PNKP: variants seen among roughly 807,000 people sequenced by gnomAD.
PNKP encodes polynucleotide kinase 3'-phosphatase, also known as bifunctional polynucleotide phosphatase/kinase.
Under a neutral mutation model 66.2 loss-of-function variants are expected in PNKP, and 82 were observed. The ratio of observed to expected loss-of-function variants is 1.24; its 90% confidence interval spans 1.04 to 1.49. PNKP has a LOEUF of 1.49. PNKP is among the 40% of genes most tolerant of loss of function. The probability of loss-of-function intolerance (pLI) is 0.00; values close to 1 mark genes in which losing one functional copy is unlikely to be tolerated. For synonymous variants in PNKP, 412 were observed against 298.9 expected, an observed-to-expected ratio of 1.38 and a Z score of -3.90; for missense variants, 907 against 706.8, an observed-to-expected ratio of 1.28 and a Z score of -3.21.
At chr19:49,865,613 TTTTTTTTTTTTTC>T (rs1161659745) in intron 3 of PNKP, 187 bp from the exon 4 acceptor site, 100 of 514,370 alleles carry the variant, frequency 1.9e-4, no homozygotes, top group Admixed American at 8.4e-4. Context: ...TTTTTTTTTT[TTTTTTTTTTTTTC>T]CCCTGGAGAT....
In PNKP at chr19:49,862,581, G is replaced by A. The variant is rs145615734; in HGVS notation, c.893C>T (p.Ala298Val). The A allele has an allele frequency of 6.0e-5, 96 of 1,613,288 alleles. No individual in the cohort carries two copies. In the African/African-American group the frequency reaches 1.2e-3, roughly 20 times the overall value. The change falls in exon 10 of 17, where the codon GCC becomes GTC. Residue 298 changes from alanine to valine, a missense_variant. By Grantham distance (64) the Ala-to-Val change is moderately conservative. Transcript: ENST00000322344. The part of the protein sequence containing the change: ...GDAAGRPANW[A>V]PGRKKKDFSC... The stretch of plus-strand genomic sequence containing the variant: ...GAAGTCTTTCTTCTTCCGCCCCGGG[G>A]CCCAGTTGGCCGGGCGTCCGGCTGC...
At position 49,867,491 on chromosome 19, in the gene PNKP, C is replaced by G. The variant is rs2074830943; in HGVS notation, c.-36G>C. The G allele has an allele frequency of 6.2e-6, 3 of 483,432 alleles. No individual in the cohort carries two copies. In the South Asian group the frequency reaches 7.1e-5, roughly 11 times the overall value. The allele number at this position is 483,432 out of a possible 1,614,324, so 29.9% of individuals were successfully genotyped here. A position where few individuals can be genotyped will look rare whatever the true frequency, so the allele number is the denominator to read the frequency against. ...CACCCGGGACCGCGGCTTGGGCTCACGGCCACTTCCGACCAGGGAGGTCCT... is the reference window on the plus strand; with the variant it reads ...CACCCGGGACCGCGGCTTGGGCTCAGGGCCACTTCCGACCAGGGAGGTCCT... On this transcript the variant is annotated 5_prime_UTR_variant, in exon 1 of 17. Coordinates refer to ENST00000322344, the MANE Select transcript of PNKP (RefSeq NM_007254.4).
rs1464870318 is a variant in PNKP, at chr19:49,867,069, A to C, written c.136T>G (p.Cys46Gly). Reference protein sequence around the residue: ...GPLTQVTDRKCSRTQVELVAD... With the variant: ...GPLTQVTDRKGSRTQVELVAD... ...CCCCGCTCACCTTGAGTTCTGGAGC[A>C]CTTCCGGTCCGTAACCTGGGTCAGG... Residue 46 changes from cysteine (C) to glycine (G), a missense_variant, in exon 2 of 17, where the codon TGC becomes GGC. Coordinates refer to ENST00000322344, the MANE Select transcript of PNKP (RefSeq NM_007254.4). 2 of 1,613,716 alleles carry C rather than the reference A, an allele frequency of 1.2e-6. No homozygotes were observed. The highest frequency in any genetic ancestry group is 1.7e-6 in the Non-Finnish European group (2 of 1,179,954).
At position 49,865,281 on chromosome 19, in the gene PNKP, T is replaced by C. The variant is rs200055661; in HGVS notation, c.344A>G (p.Gln115Arg). The change falls in exon 4 of 17, where the codon CAG (glutamine) becomes CGG (arginine). Residue 115 changes from glutamine to arginine, a missense_variant. Transcript: ENST00000322344. Reference protein sequence around the residue: ...RWEETRTPESQPDTPPGTPLV... With the variant: ...RWEETRTPESRPDTPPGTPLV... ...AGGGGTGCCAGGCGGAGTATCTGGCTGGGATTCTGGTGTGCGGGTCTCTTC... is the reference window on the plus strand; with the variant it reads ...AGGGGTGCCAGGCGGAGTATCTGGCCGGGATTCTGGTGTGCGGGTCTCTTC... The C allele has an allele frequency of 1.6e-5, 26 of 1,614,108 alleles. No individual in the cohort carries two copies. Among genetic ancestry groups the C allele is most frequent in the African/African-American group, 2.7e-5 (2 of 74,944 alleles).
At position 49,864,401 on chromosome 19, in the gene PNKP, C is replaced by T. The variant is rs142143566; in HGVS notation, c.501G>A (p.Val167=). 1.4e-4 allele frequency: 230 copies of T among 1,612,414 alleles called. No individual in the cohort carries two copies. The African/African-American group carries it at 2.1e-3, about 15-fold the overall frequency. ...TAAGVKPQGK[V]AGFDLDGTLI... ...GCGTCCCGTCCAGATCAAAGCCAGCCACCTGGTGTCACCAAGGAAAGACAA... is the reference window on the plus strand; with the variant it reads ...GCGTCCCGTCCAGATCAAAGCCAGCTACCTGGTGTCACCAAGGAAAGACAA... Residue 167 remains valine, a splice_region_variant and synonymous_variant, in exon 5 of 17, where the codon GTG becomes GTA. Coordinates refer to ENST00000322344, the MANE Select transcript of PNKP (RefSeq NM_007254.4).
At position 49,862,106 on chromosome 19, in the gene PNKP, C is replaced by T. The variant is rs903931173; in HGVS notation, c.1127-1G>A. 2 of 1,614,148 alleles carry T rather than the reference C, an allele frequency of 1.2e-6. No individual in the cohort carries two copies. Among genetic ancestry groups the T allele is most frequent in the African/African-American group, 2.7e-5 (2 of 75,032 alleles). On this transcript the variant is annotated splice_acceptor_variant, in intron 12 of 16. Coordinates refer to ENST00000322344, the MANE Select transcript of PNKP (RefSeq NM_007254.4). LOFTEE classifies it high-confidence loss of function. The stretch of plus-strand genomic sequence containing the variant: ...TTCTTGAGAAAGGTGGACTTCCCGG[C>T]TGTGTGGGGGGCAGTGTCGGTGGGT...
rs150731099 is a variant in PNKP, at chr19:49,863,883, C to T, written c.744+81G>A. 3.7e-3 allele frequency: 5,142 copies of T among 1,382,160 alleles called. 48 individuals are homozygous for T. The highest frequency in any genetic ancestry group is 0.022 in the Middle Eastern group (127 of 5,662). 85.6% of individuals were successfully genotyped at this position (1,382,160 alleles called of 1,614,324 possible). On this transcript the variant is annotated intron_variant, in intron 7 of 16. Coordinates refer to ENST00000322344, the MANE Select transcript of PNKP (RefSeq NM_007254.4). Reference sequence around the variant, plus strand: ...AGCATCACACTGCCTGAGGCCTCCGCCCCGCTTACCCTGGAGTCTAAAGCC... The same window carrying T: ...AGCATCACACTGCCTGAGGCCTCCGTCCCGCTTACCCTGGAGTCTAAAGCC...
chr19:49,864,540 G>T, intron 4 of PNKP, 137 bp from the exon 5 acceptor site: 1 of 748,316 alleles, frequency 1.3e-6, no homozygotes, highest in Non-Finnish European at 2.4e-6. Flanking sequence ...GAGTCACAGA[G>T]CACCTCCATC....
intron 2 of PNKP, 57 bp downstream of exon 2, chr19:49,866,997 T>C: frequency 6.4e-7 from 1 of 1,567,622 alleles, no homozygotes; most frequent in Non-Finnish European, 8.8e-7. Context: ...AGCGTCCCTC[T>C]GGATTGTTCC....
rs2074766354 is a variant in PNKP at position 49,861,751 on chromosome 19, A to ACGGCCCCGCGGTCACGCTACCTGG, written c.1295_1298+20dup. ...CCGCCCACCCCGCCGCAGGCCACCT[A>ACGGCCCCGCGGTCACGCTACCTGG]CGGCCCCGCGGTCACGCTACCTGGC... On this transcript the variant is annotated intron_variant, in intron 14 of 16. Coordinates refer to ENST00000322344, the MANE Select transcript of PNKP (RefSeq NM_007254.4). 2.6e-6 allele frequency: 4 copies of ACGGCCCCGCGGTCACGCTACCTGG among 1,558,712 alleles called. No individual in the cohort carries two copies. The highest frequency in any genetic ancestry group is 3.5e-6 in the Non-Finnish European group (4 of 1,151,804).
At chr19:49,866,940 T>G (rs539190443) in intron 2 of PNKP, 114 bp downstream of exon 2, 13 of 1,008,872 alleles carry the variant, frequency 1.3e-5, no homozygotes, top group Admixed American at 3.4e-5. Context: ...GAGAGCACCT[T>G]CCGACTTCGG....
rs761518647 is a variant in PNKP, at chr19:49,861,480, GGAT to G, written c.1414_1416del (p.Ile472del). On this transcript the variant is annotated inframe_deletion, in exon 16 of 17. Transcript: ENST00000322344. Reference sequence around the variant, plus strand: ...CCATACATGACCATGTCTGACACGGGGATATGAGAGGAGTCCGTCATCTCTCGA... The same window carrying G: ...CCATACATGACCATGTCTGACACGGGATGAGAGGAGTCCGTCATCTCTCGA... 3.7e-6 allele frequency: 6 copies of G among 1,611,732 alleles called. No individual in the cohort carries two copies. In the Admixed American group the frequency reaches 1.0e-4, roughly 27 times the overall value.
Position 49,861,314 on chromosome 19 carries a change from C to G in PNKP, c.1500G>C (p.Glu500Asp), listed in dbSNP as rs1381051164. ...GCTCCACCCATAGCCGGAACGGGATCTCCAGGATGGCAGAGAAGCCTTCAG... is the reference window on the plus strand; with the variant it reads ...GCTCCACCCATAGCCGGAACGGGATGTCCAGGATGGCAGAGAAGCCTTCAG... ...TLAEGFSAIL[E>D]IPFRLWVEPR... The change falls in exon 17 of 17, where the codon GAG (glutamate) becomes GAC (aspartate). Residue 500 changes from glutamate (E) to aspartate (D), a missense_variant. Glu to Asp is a conservative substitution (Grantham distance 45). Transcript: ENST00000322344. The G allele has an allele frequency of 6.2e-7, 1 of 1,614,048 alleles. No homozygotes were observed. The highest frequency in any genetic ancestry group is 1.3e-5 in the African/African-American group (1 of 74,936).
rs780136062 is a variant in PNKP at position 49,865,421 on chromosome 19, T to G, written c.204A>C (p.Gly68=). ...GGGTCCCGGTAGTTGAGGGGTTAAC[T>G]CCCAGCTGCAGAAAGAGAGGGAGGA... The part of the protein sequence containing the change: ...ETRTVAVKQL[G]VNPSTTGTQE... The change falls in exon 4 of 17, where the codon GGA becomes GGC. Residue 68 remains glycine (G), a synonymous_variant. Coordinates refer to ENST00000322344, the MANE Select transcript of PNKP (RefSeq NM_007254.4). The G allele has an allele frequency of 1.2e-6, 2 of 1,603,224 alleles. No homozygotes were observed. Among genetic ancestry groups the G allele is most frequent in the Non-Finnish European group, 1.7e-6 (2 of 1,174,718 alleles).
chr19:49,867,031 C>G, intron 2 of PNKP, 23 bp downstream of exon 2: 1 of 1,612,218 alleles, frequency 6.2e-7, no homozygotes, highest in Non-Finnish European at 8.5e-7. Context: ...GGCCACACCC[C>G]CTCCAGCTCA....
intron 1 of PNKP, 101 bp from the exon 2 acceptor site, chr19:49,867,318 C>T (rs1235232791): frequency 4.8e-6 from 6 of 1,255,612 alleles, no homozygotes; most frequent in Non-Finnish European, 6.5e-6. Flanking sequence ...CCACCATTAA[C>T]TGCTCCGGAA....
At position 49,861,782 on chromosome 19, in the gene PNKP, T is replaced by G; in HGVS notation, c.1288A>C (p.Ser430Arg). 1.3e-6 allele frequency: 2 copies of G among 1,565,464 alleles called. No individual in the cohort carries two copies. The highest frequency in any genetic ancestry group is 1.7e-6 in the Non-Finnish European group (2 of 1,157,870). Residue 430 changes from serine (S) to arginine (R), a missense_variant, in exon 14 of 17, where the codon AGC (serine) becomes CGC (arginine). Physicochemically the swap from Ser to Arg is moderately radical, Grantham distance 110. Coordinates refer to ENST00000322344, the MANE Select transcript of PNKP (RefSeq NM_007254.4). Reference protein sequence around the residue: ...AIDNTNPDAASRARYVQCARA... With the variant: ...AIDNTNPDAARRARYVQCARA... ...CCGCGGTCACGCTACCTGGCGCGGC[T>G]CGCGGCGTCTGGGTTTGTGTTGTCG... is the stretch of plus-strand genomic sequence containing the variant.
At chr19:49,864,702 G>A (rs374005374) in intron 4 of PNKP, among the ~76,000 whole-genome samples, 21 of 152,286 alleles carry the variant, frequency 1.4e-4, no homozygotes, top group African/African-American at 4.6e-4. Flanking sequence ...TCACCACCTC[G>A]GTGGGCTAAT....
rs761541334 is a variant in PNKP, at chr19:49,865,349, T to G, written c.276A>C (p.Thr92=). The change falls in exon 4 of 17, where the codon ACA becomes ACC. Residue 92 remains threonine, a synonymous_variant. Transcript: ENST00000322344. ...GGTGGAGGCCATTGACCAAATACAGTGTGTCCCCCACCCCCAGAGAGCCCT... is the reference window on the plus strand; with the variant it reads ...GGTGGAGGCCATTGACCAAATACAGGGTGTCCCCCACCCCCAGAGAGCCCT... ...GLEGSLGVGD[T]LYLVNGLHPL... is the part of the protein sequence containing the mutation. 1.2e-6 allele frequency: 2 copies of G among 1,613,716 alleles called. No individual in the cohort carries two copies. Among genetic ancestry groups the G allele is most frequent in the Admixed American group, 1.7e-5 (1 of 60,010 alleles).
Sources: allele counts gnomAD v4.1 joint callset (sites outside exome capture counted in the v4.1 genomes callset), GRCh38; gene constraint gnomAD v4.1.1; transcripts MANE v1.5; gene names NCBI Gene and HGNC (gene_info 2026-07-23, HGNC 2026-07-21).